NPAS3: variants seen among roughly 807,000 people sequenced by gnomAD.
NPAS3 encodes neuronal PAS domain-containing protein 3.
Under a neutral mutation model 73.1 loss-of-function variants are expected in NPAS3, and 14 were observed. That is an observed-to-expected ratio of 0.19 (90% CI 0.13 to 0.30). The LOEUF (loss-of-function observed/expected upper bound fraction) is 0.30. Among genes scored for constraint, NPAS3 ranks in the 10% least tolerant of loss-of-function variants. The probability of loss-of-function intolerance (pLI) is 1.00; values close to 1 mark genes in which losing one functional copy is unlikely to be tolerated. For synonymous variants in NPAS3, 620 were observed against 541.5 expected, an observed-to-expected ratio of 1.14 and a Z score of -2.01; for missense variants, 1,096 against 1,250.0, an observed-to-expected ratio of 0.88 and a Z score of 1.86.
chr14:33,596,618 T>C (rs2057250150), intron 5 of NPAS3, among the ~76,000 whole-genome samples: 1 of 152,236 alleles, frequency 6.6e-6, no homozygotes, highest in Non-Finnish European at 1.5e-5. Flanking sequence ...CATCATAAAC[T>C]AGACTTATTC....
At chr14:33,006,967 T>C (rs1337345772) in intron 1 of NPAS3, among the ~76,000 whole-genome samples, 2 of 152,196 alleles carry the variant, frequency 1.3e-5, no homozygotes, top group African/African-American at 2.4e-5. Context: ...AGTAATTAAT[T>C]TTGTAAACAC....
intron 7 of NPAS3, among the ~76,000 whole-genome samples, chr14:33,737,254 G>T (rs1393298645): frequency 6.6e-6 from 1 of 152,148 alleles, no homozygotes; most frequent in Non-Finnish European, 1.5e-5. Flanking sequence ...GAGGAGGCGG[G>T]ATGTCACCTA....
intron 3 of NPAS3, among the ~76,000 whole-genome samples, chr14:33,329,379 A>T (rs1267253904): frequency 6.6e-6 from 1 of 152,106 alleles, no homozygotes; most frequent in Admixed American, 6.5e-5. Context: ...GTTGTGATGG[A>T]GGTAACCTAC....
Position 33,599,368 on chromosome 14 carries a change from C to T in NPAS3, c.558+39158C>T, listed in dbSNP as rs529207430. Among the ~76,000 whole-genome samples the T allele has an allele frequency of 3.9e-5, 6 of 152,154 alleles. No individual in the cohort carries two copies. The South Asian group carries it at 8.3e-4, about 21-fold the overall frequency. On this transcript the variant is annotated intron_variant, in intron 5 of 11. Transcript: ENST00000356141. The stretch of plus-strand genomic sequence containing the variant: ...ATTAGGTATTGTACTCATGGGAAGT[C>T]GTATTTTATGCCTAGTTGGAAAAAT...
intron 2 of NPAS3, among the ~76,000 whole-genome samples, chr14:33,122,717 A>G (rs2043276057): frequency 6.6e-6 from 1 of 152,144 alleles, no homozygotes; most frequent in Non-Finnish European, 1.5e-5. Context: ...CACTCTTAAC[A>G]CAAAGCTTGG....
intron 5 of NPAS3, among the ~76,000 whole-genome samples, chr14:33,579,367 A>C (rs1224458243): frequency 6.6e-6 from 1 of 152,180 alleles, no homozygotes; most frequent in African/African-American, 2.4e-5. Context: ...ATTTTATTGG[A>C]TGATTTGGGA....
At chr14:33,161,598 A>C (rs561595225) in intron 2 of NPAS3, among the ~76,000 whole-genome samples, 1 of 152,312 alleles carries the variant, frequency 6.6e-6, no homozygotes, top group East Asian at 1.9e-4. Flanking sequence ...GTAGTCTTAA[A>C]GGAGTATATT....
chr14:33,723,551 T>C (rs1031774507), intron 6 of NPAS3, among the ~76,000 whole-genome samples: 3 of 152,038 alleles, frequency 2.0e-5, no homozygotes, highest in Non-Finnish European at 4.4e-5. Context: ...GAGACCTTTC[T>C]TTCTTGGAAG....
At chr14:33,129,537 T>C (rs1008728169) in intron 2 of NPAS3, among the ~76,000 whole-genome samples, 2 of 152,194 alleles carry the variant, frequency 1.3e-5, no homozygotes, top group Non-Finnish European at 2.9e-5. Context: ...TATGTGCTTG[T>C]AAAGAAATGT....
intron 1 of NPAS3, among the ~76,000 whole-genome samples, chr14:33,027,232 T>G (rs1188007066): frequency 2.0e-5 from 3 of 152,202 alleles, no homozygotes; most frequent in African/African-American, 7.2e-5. Context: ...GTAGTCTTCC[T>G]GCTCCCTCCT....
chr14:33,752,369 A>G (rs2061989079), intron 7 of NPAS3, among the ~76,000 whole-genome samples: 1 of 152,206 alleles, frequency 6.6e-6, no homozygotes, highest in South Asian at 2.1e-4. Flanking sequence ...CTCCCAAGCC[A>G]TGCAAGAGCC....
At chr14:33,723,834 C>G (rs1489986143) in intron 6 of NPAS3, among the ~76,000 whole-genome samples, 3 of 152,198 alleles carry the variant, frequency 2.0e-5, no homozygotes, top group African/African-American at 4.8e-5. Flanking sequence ...AGCTCATGCT[C>G]CACAGCCTTC....
At chr14:33,254,767 T>C (rs1039303262) in intron 3 of NPAS3, among the ~76,000 whole-genome samples, 5 of 152,146 alleles carry the variant, frequency 3.3e-5, no homozygotes, top group South Asian at 2.1e-4. Flanking sequence ...ACATTTTTCA[T>C]TGGCCAAAAT....
At chr14:33,789,885 G>A (rs1180093854) in intron 9 of NPAS3, among the ~76,000 whole-genome samples, 2 of 152,224 alleles carry the variant, frequency 1.3e-5, no homozygotes, top group Middle Eastern at 3.4e-3. Flanking sequence ...CACCGCGCCC[G>A]GCCTAGAGTA....
intron 3 of NPAS3, among the ~76,000 whole-genome samples, chr14:33,336,861 A>G (rs2044250558): frequency 1.3e-5 from 1 of 74,100 alleles, no homozygotes; most frequent in South Asian, 3.7e-4. Flanking sequence ...TCAGGTACTT[A>G]TTAGCCTTCC....
At chr14:33,577,438 A>T (rs1473666661) in intron 5 of NPAS3, among the ~76,000 whole-genome samples, 2 of 152,098 alleles carry the variant, frequency 1.3e-5, no homozygotes, top group Non-Finnish European at 2.9e-5. Context: ...TATGGTCTAT[A>T]AAGAGGGGGG....
At chr14:33,095,164 A>AAATTGATT (rs2042365341) in intron 2 of NPAS3, among the ~76,000 whole-genome samples, 1 of 141,136 alleles carries the variant, frequency 7.1e-6, no homozygotes, top group Non-Finnish European at 1.6e-5. Flanking sequence ...TTAAATCATT[A>AAATTGATT]TAAAATTGGA....
chr14:33,253,216 C>T (rs1211071751), intron 3 of NPAS3, among the ~76,000 whole-genome samples: 1 of 152,062 alleles, frequency 6.6e-6, no homozygotes, highest in African/African-American at 2.4e-5. Flanking sequence ...TCCATAGAGG[C>T]TGAACTAATT....
chr14:33,015,969 C>T (rs911551513), intron 1 of NPAS3, among the ~76,000 whole-genome samples: 3 of 152,046 alleles, frequency 2.0e-5, no homozygotes, highest in East Asian at 1.9e-4. Context: ...TAGTTTTTGG[C>T]TACTTTTTGA....
Sources: allele counts gnomAD v4.1 joint callset (sites outside exome capture counted in the v4.1 genomes callset), GRCh38; gene constraint gnomAD v4.1.1; transcripts MANE v1.5; gene names NCBI Gene and HGNC (gene_info 2026-07-23, HGNC 2026-07-21).